The following GRIK2 variants were observed in gnomAD, a reference collection of about 807,000 sequenced individuals.
GRIK2 encodes glutamate ionotropic receptor kainate type subunit 2, also known as glutamate receptor ionotropic, kainate 2.
In GRIK2, 32 loss-of-function variants were observed where a neutral mutation model predicts 100.3. The ratio of observed to expected loss-of-function variants is 0.32; its 90% CI spans 0.24 to 0.43. GRIK2 has a LOEUF of 0.43. Ranked by LOEUF, GRIK2 falls within the 20% of genes least tolerant of loss-of-function variation. GRIK2 has a pLI of 1.00. For synonymous variants in GRIK2, 417 were observed against 389.4 expected, an observed-to-expected ratio of 1.07 and a Z score of -0.83; for missense variants, 843 against 1,114.9, an observed-to-expected ratio of 0.76 and a Z score of 3.47.
rs1022448312 is a variant in GRIK2 at position 101,859,424 on chromosome 6, T to C, written c.1455T>C (p.Asp485=). ...GFTYEIRLVE[D]GKYGAQDDAN... is the part of the protein sequence containing the mutation. ...CATATGAAATTAGACTTGTGGAAGA[T>C]GGGAAATATGGAGCCCAGGATGATG... Residue 485 remains aspartate (D), a synonymous_variant, in exon 11 of 17, where the codon GAT becomes GAC. Transcript: ENST00000369134. 3.1e-6 allele frequency: 5 copies of C among 1,610,142 alleles called. No individual in the cohort carries two copies. In the African/African-American group the frequency reaches 6.7e-5, roughly 22 times the overall value.
In GRIK2 at chr6:102,055,600, G is replaced by GTT. The variant is rs754407190; in HGVS notation, c.2562+22_2562+23dup. 1.4e-5 allele frequency: 22 copies of GTT among 1,567,418 alleles called. No individual in the cohort carries two copies. Among genetic ancestry groups the GTT allele is most frequent in the Non-Finnish European group, 1.7e-5 (20 of 1,145,110 alleles). ...GAAAAGGTAAATGTTACTTGTTTCA[G>GTT]TTTAAATTTAAAACAATTTTTGTTG... is the stretch of plus-strand genomic sequence containing the variant. On this transcript the variant is annotated intron_variant, in intron 16 of 16. Transcript: ENST00000369134.
chr6:101,991,624 A>G lies in GRIK2; in HGVS notation c.2086-43717A>G, dbSNP rs187855779. On this transcript the variant is annotated intron_variant, in intron 14 of 16. Transcript: ENST00000369134. Reference sequence around the variant, plus strand: ...AATTATAGCCAATTGCCCCCTAATTATCTGTGGTGTTTAATTCAATGCCTA... The same window carrying G: ...AATTATAGCCAATTGCCCCCTAATTGTCTGTGGTGTTTAATTCAATGCCTA... Among the ~76,000 whole-genome samples, 881 of 151,556 alleles carry G rather than the reference A, an allele frequency of 5.8e-3. 3 individuals are homozygous for G. Among genetic ancestry groups the G allele is most frequent in the Middle Eastern group, 0.01 (3 of 294 alleles).
At chr6:101,694,200 G>A (rs1372684625) in intron 7 of GRIK2, among the ~76,000 whole-genome samples, 2 of 152,096 alleles carry the variant, frequency 1.3e-5, no homozygotes, top group Non-Finnish European at 2.9e-5. Context: ...TGCCAAGCTG[G>A]TTATTGAGGT....
At chr6:102,064,101 T>A in intron 16 of GRIK2, 1 of 787,748 alleles carries the variant, frequency 1.3e-6, no homozygotes, top group Non-Finnish European at 2.2e-6. Flanking sequence ...TATATTAATG[T>A]GGAGAAACAT....
chr6:101,839,447 G>C (rs1433526131), intron 10 of GRIK2, among the ~76,000 whole-genome samples: 1 of 152,208 alleles, frequency 6.6e-6, no homozygotes, highest in Admixed American at 6.5e-5. Flanking sequence ...AGGGACTGGT[G>C]ATGGATGAGT....
At chr6:101,532,851 A>AG (rs1339042990) in intron 2 of GRIK2, among the ~76,000 whole-genome samples, 1 of 111,246 alleles carries the variant, frequency 9.0e-6, no homozygotes, top group African/African-American at 2.8e-5. Context: ...GACAACAAAG[A>AG]ATTAAGATGA....
Position 101,988,168 on chromosome 6 carries a change from C to G in GRIK2, c.2086-47173C>G, listed in dbSNP as rs1197730886. ...GCGCGCGCGCGCGTGCGCGCACATGCAAGAGCATTCTCATGAGTATGTGTA... is the reference window on the plus strand; with the variant it reads ...GCGCGCGCGCGCGTGCGCGCACATGGAAGAGCATTCTCATGAGTATGTGTA... On this transcript the variant is annotated intron_variant, in intron 14 of 16. Coordinates refer to ENST00000369134, the MANE Select transcript of GRIK2 (RefSeq NM_021956.5). Among the ~76,000 whole-genome samples, 4 of 142,374 alleles carry G rather than the reference C, an allele frequency of 2.8e-5. No homozygotes were observed. In the East Asian group the frequency reaches 8.5e-4, roughly 30 times the overall value. The allele number at this position is 142,374 out of a possible 152,430, so 93.4% of individuals were successfully genotyped here. A position where few individuals can be genotyped will look rare whatever the true frequency, so the allele number is the denominator to read the frequency against.
intron 7 of GRIK2, among the ~76,000 whole-genome samples, chr6:101,749,022 T>A (rs1776618544): frequency 6.6e-6 from 1 of 152,160 alleles, no homozygotes; most frequent in African/African-American, 2.4e-5. Context: ...GAAAAGGAAC[T>A]AACTTTTATT....
chr6:101,602,180 GCAGAAGT>G (rs1779247352), intron 2 of GRIK2, among the ~76,000 whole-genome samples: 1 of 151,502 alleles, frequency 6.6e-6, no homozygotes, highest in African/African-American at 2.4e-5. Flanking sequence ...TATTGTTTAT[GCAGAAGT>G]CATTTGGGAG....
intron 7 of GRIK2, among the ~76,000 whole-genome samples, chr6:101,760,553 T>C (rs1268806042): frequency 8.4e-5 from 8 of 95,332 alleles, no homozygotes; most frequent in Admixed American, 1.6e-4. Context: ...ATATTTATTA[T>C]ATATAATTAA....
At chr6:101,893,343 G>A (rs537884493) in intron 12 of GRIK2, among the ~76,000 whole-genome samples, 17 of 151,502 alleles carry the variant, frequency 1.1e-4, no homozygotes, top group Non-Finnish European at 2.2e-4. Context: ...AGAAACAAAG[G>A]CATAAAATAA....
At chr6:102,005,184 C>T (rs1374091305) in intron 14 of GRIK2, among the ~76,000 whole-genome samples, 2 of 151,130 alleles carry the variant, frequency 1.3e-5, no homozygotes, top group African/African-American at 2.4e-5. Context: ...ACACAATTCC[C>T]TCTAAGATAT....
At chr6:101,696,167 A>G (rs1462815894) in intron 7 of GRIK2, among the ~76,000 whole-genome samples, 1 of 151,892 alleles carries the variant, frequency 6.6e-6, no homozygotes, top group Non-Finnish European at 1.5e-5. Context: ...AAATTTAACA[A>G]TTTTCCCTGC....
At chr6:101,395,852 A>T (rs954385811) in intron 1 of GRIK2, among the ~76,000 whole-genome samples, 1 of 152,240 alleles carries the variant, frequency 6.6e-6, no homozygotes, top group South Asian at 2.1e-4. Context: ...GCAGTTTGTT[A>T]TCTCTGCTTT....
intron 14 of GRIK2, among the ~76,000 whole-genome samples, chr6:102,006,285 G>C (rs1795219813): frequency 6.7e-6 from 1 of 148,952 alleles, no homozygotes; most frequent in South Asian, 2.1e-4. Context: ...GAAAATGAAG[G>C]AGGCTATCTT....
intron 14 of GRIK2, among the ~76,000 whole-genome samples, chr6:101,961,504 C>T (rs1042117458): frequency 2.0e-5 from 3 of 152,092 alleles, no homozygotes; most frequent in South Asian, 2.1e-4. Context: ...AGCTGTGGGT[C>T]GGCAGGCAGA....
At chr6:101,675,240 G>T (rs767865461) in intron 4 of GRIK2, among the ~76,000 whole-genome samples, 12 of 151,214 alleles carry the variant, frequency 7.9e-5, no homozygotes, top group Non-Finnish European at 1.8e-4. Context: ...TAAGTAACAG[G>T]TATGTATACA....
chr6:101,753,151 G>A (rs1418539733), intron 7 of GRIK2, among the ~76,000 whole-genome samples: 8 of 151,766 alleles, frequency 5.3e-5, no homozygotes, highest in African/African-American at 1.9e-4. Context: ...GCGTGGTGGC[G>A]GGCGCCTGTA....
At chr6:101,543,924 T>C (rs1237923094) in intron 2 of GRIK2, among the ~76,000 whole-genome samples, 1 of 151,968 alleles carries the variant, frequency 6.6e-6, no homozygotes, top group Non-Finnish European at 1.5e-5. Context: ...CTCCAAACAA[T>C]GCCCAGTGAT....
Sources: gnomAD v4.1 joint callset for allele counts (sites outside exome capture counted in the v4.1 genomes callset) on GRCh38, gnomAD v4.1.1 for gene constraint, MANE v1.5 for transcripts, NCBI Gene and HGNC (gene_info 2026-07-23, HGNC 2026-07-21) for gene names.